The following GRIN2B variants were observed in gnomAD, a reference collection of about 807,000 sequenced individuals.
GRIN2B encodes glutamate ionotropic receptor NMDA type subunit 2B.
In GRIN2B, 5 loss-of-function variants were observed where a neutral mutation model predicts 114.5. That is an observed-to-expected ratio of 0.04 (90% CI 0.02 to 0.09). GRIN2B has a LOEUF of 0.09. Among genes scored for constraint, GRIN2B ranks in the 10% least tolerant of loss-of-function variants. The probability of loss-of-function intolerance (pLI) is 1.00; values close to 1 mark genes in which losing one functional copy is unlikely to be tolerated. For synonymous variants in GRIN2B, 787 were observed against 745.1 expected, an observed-to-expected ratio of 1.06 and a Z score of -0.92; for missense variants, 1,108 against 1,943.5, an observed-to-expected ratio of 0.57 and a Z score of 8.08.
chr12:13,808,682 A>G (rs1020070310), intron 3 of GRIN2B, among the ~76,000 whole-genome samples: 8 of 151,192 alleles, frequency 5.3e-5, no homozygotes, highest in African/African-American at 1.7e-4. Context: ...AACATGGTAC[A>G]TTTATACATA....
chr12:13,846,843 G>C (rs1865480864), intron 3 of GRIN2B, among the ~76,000 whole-genome samples: 1 of 151,960 alleles, frequency 6.6e-6, no homozygotes, highest in Non-Finnish European at 1.5e-5. Flanking sequence ...CACAAAATTG[G>C]GAGAAAGGAG....
intron 2 of GRIN2B, among the ~76,000 whole-genome samples, chr12:13,971,596 C>T (rs1289183971): frequency 6.6e-6 from 1 of 152,116 alleles, no homozygotes; most frequent in Admixed American, 6.5e-5. Context: ...CCATTCACAC[C>T]CCTCACCAAT....
At chr12:13,813,760 T>C (rs1402781099) in intron 3 of GRIN2B, among the ~76,000 whole-genome samples, 1 of 152,226 alleles carries the variant, frequency 6.6e-6, no homozygotes, top group African/African-American at 2.4e-5. Flanking sequence ...CAATTTTGAA[T>C]TCATTCCTTT....
intron 3 of GRIN2B, among the ~76,000 whole-genome samples, chr12:13,789,948 T>C (rs145899958): frequency 2.1e-3 from 319 of 152,254 alleles, no homozygotes; most frequent in South Asian, 6.4e-3. Context: ...GAATTGGAAG[T>C]AGATTTTTAC....
chr12:13,720,252 T>C (rs1214371672), intron 4 of GRIN2B, among the ~76,000 whole-genome samples: 1 of 152,002 alleles, frequency 6.6e-6, no homozygotes, highest in Non-Finnish European at 1.5e-5. Context: ...AGTTCTGGCA[T>C]ATTCAACCAA....
intron 10 of GRIN2B, among the ~76,000 whole-genome samples, chr12:13,605,551 T>TCTCTCTCTCTCTCTCTCTCTCTCACACA: frequency 2.3e-4 from 7 of 30,440 alleles, no homozygotes; most frequent in Admixed American, 3.8e-4. Flanking sequence ...TCTCTCTCTC[T>TCTCTCTCTCTCTCTCTCTCTCTCACACA]GACACACACA....
At chr12:13,671,466 C>G (rs1475792075) in intron 5 of GRIN2B, among the ~76,000 whole-genome samples, 1 of 152,086 alleles carries the variant, frequency 6.6e-6, no homozygotes, top group Non-Finnish European at 1.5e-5. Context: ...CTTTTAGGAA[C>G]CTAAAGGAAC....
At chr12:13,952,446 C>G (rs1024962917) in intron 2 of GRIN2B, among the ~76,000 whole-genome samples, 1 of 152,158 alleles carries the variant, frequency 6.6e-6, no homozygotes, top group African/African-American at 2.4e-5. Context: ...ACTCTGAAAG[C>G]CTAATACTGC....
At position 13,540,801 on chromosome 12, in the gene GRIN2B, GA is replaced by G. The variant is rs1948267615; in HGVS notation, c.*21981del. The G allele has an allele frequency of 6.6e-6, 1 of 152,256 alleles. No homozygotes were observed. The highest frequency in any genetic ancestry group is 2.4e-5 in the African/African-American group (1 of 41,440). 9.4% of individuals were successfully genotyped at this position (152,256 alleles called of 1,614,324 possible). A position where few individuals can be genotyped will look rare whatever the true frequency, so the allele number is the denominator to read the frequency against. ...TGGGGATCTGAGAGTCAAGAGGAAG[GA>G]GAGCCGGCCCCAGGGAGGAGTGTGG... On this transcript the variant is annotated 3_prime_UTR_variant, in exon 14 of 14. Coordinates refer to ENST00000609686, the MANE Select transcript of GRIN2B (RefSeq NM_000834.5).
chr12:13,714,628 G>C (rs959689820), intron 4 of GRIN2B, among the ~76,000 whole-genome samples: 4 of 151,782 alleles, frequency 2.6e-5, no homozygotes, highest in African/African-American at 9.7e-5. Context: ...AAGCCCAAAG[G>C]GGGAACGCTG....
chr12:13,770,058 G>T (rs1445186076), intron 3 of GRIN2B, among the ~76,000 whole-genome samples: 5 of 152,208 alleles, frequency 3.3e-5, no homozygotes, highest in African/African-American at 1.2e-4. Flanking sequence ...CTCTGCAGCT[G>T]CAAGAAATGA....
chr12:13,646,888 A>G (rs1445054417), intron 5 of GRIN2B, among the ~76,000 whole-genome samples: 2 of 152,082 alleles, frequency 1.3e-5, no homozygotes, highest in East Asian at 3.9e-4. Context: ...GAGGAAGTAA[A>G]CAGCCATTTG....
intron 3 of GRIN2B, among the ~76,000 whole-genome samples, chr12:13,805,788 A>G (rs12317483): frequency 0.16 from 23,945 of 152,166 alleles, 2,442 homozygotes; most frequent in Non-Finnish European, 0.22. Context: ...TATATAATAC[A>G]TTGTTATTAA....
chr12:13,740,986 G>A (rs1221330171), intron 4 of GRIN2B, among the ~76,000 whole-genome samples: 1 of 152,110 alleles, frequency 6.6e-6, no homozygotes, highest in African/African-American at 2.4e-5. Flanking sequence ...ATGTGTCATG[G>A]TCTAGTCTTT....
At chr12:13,644,026 T>G (rs1263293294) in intron 5 of GRIN2B, among the ~76,000 whole-genome samples, 6 of 152,198 alleles carry the variant, frequency 3.9e-5, no homozygotes, top group Admixed American at 2.0e-4. Flanking sequence ...GTTAATATTT[T>G]GACCTCCTTC....
chr12:13,661,756 C>T (rs117658157), intron 5 of GRIN2B, among the ~76,000 whole-genome samples: 2 of 152,250 alleles, frequency 1.3e-5, no homozygotes, highest in South Asian at 2.1e-4. Context: ...AAGGCGGCCC[C>T]GCAGAATGTG....
intron 8 of GRIN2B, among the ~76,000 whole-genome samples, chr12:13,613,972 T>C (rs1303113286): frequency 7.0e-6 from 1 of 141,898 alleles, no homozygotes; most frequent in African/African-American, 2.6e-5. Flanking sequence ...AATTAGAATG[T>C]GGTTTTGTTT....
chr12:13,566,976 G>C (rs370937420), intron 13 of GRIN2B, 49 bp downstream of exon 13: 1 of 1,291,034 alleles, frequency 7.7e-7, no homozygotes, highest in Non-Finnish European at 1.1e-6. Context: ...CACAGTGCTA[G>C]GCTAAGCTGT....
chr12:13,731,281 C>T (rs1303294332), intron 4 of GRIN2B, among the ~76,000 whole-genome samples: 1 of 152,182 alleles, frequency 6.6e-6, no homozygotes. Context: ...ACTCCAACTT[C>T]TCAGTTTCCA....
Sources: gnomAD v4.1 joint callset for allele counts (sites outside exome capture counted in the v4.1 genomes callset) on GRCh38, gnomAD v4.1.1 for gene constraint, MANE v1.5 for transcripts, NCBI Gene and HGNC (gene_info 2026-07-23, HGNC 2026-07-21) for gene names.